Variants in TMPRSS6 observed in about 807,000 individuals in gnomAD.
TMPRSS6 encodes transmembrane protease serine 6.
A neutral mutation model predicts 101.5 loss-of-function variants in TMPRSS6; 67 were observed. That is an observed-to-expected ratio of 0.66 (90% CI 0.54 to 0.81). TMPRSS6 has a LOEUF of 0.81. Among genes scored for constraint, TMPRSS6 ranks in the 30% least tolerant of loss-of-function variants. The probability of loss-of-function intolerance (pLI) is 0.00; values close to 1 mark genes in which losing one functional copy is unlikely to be tolerated. For missense variants in TMPRSS6, 1,034 were observed against 1,088.7 expected, an observed-to-expected ratio of 0.95 and a Z score of 0.71; for synonymous variants, 453 against 464.9, an observed-to-expected ratio of 0.97 and a Z score of 0.33.
chr22:37,070,097 G>A (rs1926745897), intron 15 of TMPRSS6, among the ~76,000 whole-genome samples: 1 of 152,120 alleles, frequency 6.6e-6, no homozygotes, highest in Non-Finnish European at 1.5e-5. Flanking sequence ...AGCCCCACCT[G>A]CTACCTCGTG....
intron 8 of TMPRSS6, 62 bp downstream of exon 8, chr22:37,086,221 G>A: frequency 1.2e-5 from 20 of 1,610,912 alleles, no homozygotes; most frequent in Non-Finnish European, 1.7e-5. Context: ...AGTGAGCCCA[G>A]TGGAGGGCCC....
At chr22:37,076,279 C>T (rs934138462) in intron 10 of TMPRSS6, among the ~76,000 whole-genome samples, 2 of 152,162 alleles carry the variant, frequency 1.3e-5, no homozygotes, top group African/African-American at 4.8e-5. Context: ...CTCCCTGTGA[C>T]ACTGTGGGCT....
At chr22:37,073,679 G>A (rs1313977936) in intron 12 of TMPRSS6, 34 bp from the exon 13 acceptor site, 2 of 1,477,278 alleles carry the variant, frequency 1.4e-6, no homozygotes, top group Non-Finnish European at 9.5e-7. Flanking sequence ...ACAGGTGGGA[G>A]GAAGCCAGAG....
At position 37,074,685 on chromosome 22, in the gene TMPRSS6, AAC is replaced by A; in HGVS notation, c.1364_1365del (p.Cys455PhefsTer11). The A allele has an allele frequency of 6.2e-7, 1 of 1,614,190 alleles. No homozygotes were observed. The highest frequency in any genetic ancestry group is 8.5e-7 in the Non-Finnish European group (1 of 1,180,034). ...QSDPCPGEFL[C>X]SVNGLCVPAC... The stretch of plus-strand genomic sequence containing the variant: ...GCAGGGACACAGAGTCCATTCACAG[AAC>A]AGAGGAACTCTCCAGGGCAGGCTGC... On this transcript the variant is annotated frameshift_variant, in exon 12 of 18. Transcript: ENST00000676104. LOFTEE classifies it high-confidence loss of function.
In TMPRSS6 at chr22:37,065,966, A is replaced by G; in HGVS notation, c.*114T>C. ...AGACAAGATGCCACCTCCTGCCACC[A>G]CAGGGCCTGCTCTCTCCCCCACCCC... On this transcript the variant is annotated 3_prime_UTR_variant, in exon 18 of 18. Coordinates refer to ENST00000676104, the MANE Select transcript of TMPRSS6 (RefSeq NM_001374504.1). The G allele has an allele frequency of 7.2e-7, 1 of 1,392,006 alleles. No homozygotes were observed. The highest frequency in any genetic ancestry group is 1.0e-6 in the Non-Finnish European group (1 of 994,142). 86.2% of individuals were successfully genotyped at this position (1,392,006 alleles called of 1,614,324 possible).
At chr22:37,099,374 T>C (rs1930100777) in intron 2 of TMPRSS6, among the ~76,000 whole-genome samples, 1 of 152,212 alleles carries the variant, frequency 6.6e-6, no homozygotes, top group Non-Finnish European at 1.5e-5. Context: ...CAGGGCCCAT[T>C]GGGTCTTTAC....
chr22:37,106,554 T>C (rs1306271193), intron 1 of TMPRSS6, among the ~76,000 whole-genome samples: 4 of 152,096 alleles, frequency 2.6e-5, no homozygotes. Flanking sequence ...TAGTGGGAAA[T>C]TAATTCCCCC....
rs1929103452 is a variant in TMPRSS6 at position 37,089,840 on chromosome 22, T to C, written c.632-58A>G. The stretch of plus-strand genomic sequence containing the variant: ...CCTGTGAGCCAGAAGGAGGGGACCC[T>C]GGGGAGCCAGGTCCCTCAAGGTCCT... On this transcript the variant is annotated intron_variant, in intron 6 of 17. Transcript: ENST00000676104. 7.1e-6 allele frequency: 11 copies of C among 1,551,902 alleles called. No individual in the cohort carries two copies. The South Asian group carries it at 1.2e-4, about 17-fold the overall frequency.
rs1930279549 is a variant in TMPRSS6, at chr22:37,101,175, C to T, written c.202+2041G>A. On this transcript the variant is annotated intron_variant, in intron 2 of 17. Transcript: ENST00000676104. The surrounding 1 kb of genome is among the most constrained non-coding windows in gnomAD (Gnocchi z 4.1). The stretch of plus-strand genomic sequence containing the variant: ...TGCTGGTGCTGGGCCATTGTGTGGG[C>T]AGAGGGGGCGGGATCGGGGTCCCAG... Among the ~76,000 whole-genome samples, 1 of 151,758 alleles carries T rather than the reference C, an allele frequency of 6.6e-6. No homozygotes were observed. The highest frequency in any genetic ancestry group is 1.5e-5 in the Non-Finnish European group (1 of 67,944).
chr22:37,084,041 C>T, intron 10 of TMPRSS6: 1 of 590,846 alleles, frequency 1.7e-6, no homozygotes, highest in Non-Finnish European at 3.1e-6. Flanking sequence ...GAATAAACAT[C>T]CAAGGTGTCT....
intron 16 of TMPRSS6, among the ~76,000 whole-genome samples, 189 bp from the exon 17 acceptor site, chr22:37,067,151 G>A (rs1926377843): frequency 6.6e-6 from 1 of 152,138 alleles, no homozygotes; most frequent in Non-Finnish European, 1.5e-5. Context: ...TCTCTGTGGG[G>A]TTCATGGTGA....
At chr22:37,104,646 A>G (rs1296874743) in intron 1 of TMPRSS6, among the ~76,000 whole-genome samples, 2 of 152,122 alleles carry the variant, frequency 1.3e-5, no homozygotes, top group African/African-American at 2.4e-5. Context: ...TACTATATCC[A>G]TAAATACCGT....
At chr22:37,080,746 A>G (rs1223855417) in intron 10 of TMPRSS6, among the ~76,000 whole-genome samples, 5 of 152,238 alleles carry the variant, frequency 3.3e-5, no homozygotes, top group African/African-American at 1.2e-4. Context: ...GTCTGAGAAG[A>G]AAGGGCTGGG....
At chr22:37,081,650 G>A (rs558625910) in intron 10 of TMPRSS6, among the ~76,000 whole-genome samples, 3 of 152,166 alleles carry the variant, frequency 2.0e-5, no homozygotes, top group African/African-American at 7.2e-5. Context: ...TGAACAGAGA[G>A]AGGGGGAGCT....
In TMPRSS6 at chr22:37,066,035, C is replaced by G. The variant is rs1926244071; in HGVS notation, c.*45G>C. 2 of 1,612,740 alleles carry G rather than the reference C, an allele frequency of 1.2e-6. No homozygotes were observed. The highest frequency in any genetic ancestry group is 1.7e-6 in the Non-Finnish European group (2 of 1,179,780). On this transcript the variant is annotated 3_prime_UTR_variant, in exon 18 of 18. Coordinates refer to ENST00000676104, the MANE Select transcript of TMPRSS6 (RefSeq NM_001374504.1). ...CCCTGCTTGGCAGTTGCCCTGGGCT[C>G]TCTGAGTCCAGGAGGTGGGCCCTGC...
intron 6 of TMPRSS6, among the ~76,000 whole-genome samples, chr22:37,094,446 T>A (rs1929567217): frequency 6.6e-6 from 1 of 151,512 alleles, no homozygotes; most frequent in African/African-American, 2.4e-5. Context: ...GACAGCTAGC[T>A]AGCTAGACAG....
intron 10 of TMPRSS6, 88 bp downstream of exon 10, chr22:37,084,207 G>A (rs1336513223): frequency 1.7e-6 from 2 of 1,169,592 alleles, no homozygotes; most frequent in African/African-American, 1.5e-5. Context: ...TGGGGACTTG[G>A]GCTTCCAATG....
intron 1 of TMPRSS6, among the ~76,000 whole-genome samples, chr22:37,108,217 G>A (rs1930834261): frequency 6.6e-6 from 1 of 152,192 alleles, no homozygotes; most frequent in South Asian, 2.1e-4. Flanking sequence ...CCCTGTCAGT[G>A]CTTGTTCACG....
chr22:37,093,872 A>T (rs1234635419), intron 6 of TMPRSS6, among the ~76,000 whole-genome samples: 12 of 151,814 alleles, frequency 7.9e-5, no homozygotes, highest in Non-Finnish European at 1.5e-5. Flanking sequence ...AAAATATACA[A>T]ATTAGCCAGG....
Sources: gnomAD v4.1 joint callset for allele counts (sites outside exome capture counted in the v4.1 genomes callset) on GRCh38, gnomAD v4.1.1 for gene constraint, Gnocchi (gnomAD v3.1) non-coding constraint, MANE v1.5 for transcripts, NCBI Gene and HGNC (gene_info 2026-07-23, HGNC 2026-07-21) for gene names.